STMN2: variants seen among roughly 807,000 people sequenced by gnomAD.
STMN2 encodes the protein stathmin 2, also known as stathmin-2.
Under a neutral mutation model 24.1 loss-of-function variants are expected in STMN2, and 2 were observed. The observed-to-expected ratio is 0.08, with a 90% confidence interval of 0.03 to 0.26. The LOEUF (loss-of-function observed/expected upper bound fraction) is 0.26. Among genes scored for constraint, STMN2 ranks in the 10% least tolerant of loss-of-function variants. STMN2 has a pLI of 1.00. For missense variants in STMN2, 114 were observed against 213.6 expected (o/e 0.53, Z 2.91); for synonymous variants, 83 against 77.5 (o/e 1.07, Z -0.37).
chr8:79,617,176 A>G (rs1365743292), intron 1 of STMN2, among the ~76,000 whole-genome samples: 1 of 152,188 alleles, frequency 6.6e-6, no homozygotes, highest in Non-Finnish European at 1.5e-5. Context: ...TCTTCTGCTT[A>G]TCTAAGCCAA....
rs186787174 is a variant in STMN2 at position 79,665,833 on chromosome 8, C to A, written c.*959C>A. On this transcript the variant is annotated 3_prime_UTR_variant, in exon 5 of 5. Transcript: ENST00000220876. ...TGGTTGTTGCATTAAAACACACATA[C>A]AAACAAAATCAAAAACACTGCGGAC... 1 of 152,498 alleles carries A rather than the reference C, an allele frequency of 6.6e-6. No individual in the cohort carries two copies. The highest frequency in any genetic ancestry group is 1.9e-4 in the East Asian group (1 of 5,188). 9.4% of individuals were successfully genotyped at this position (152,498 alleles called of 1,614,324 possible).
intron 4 of STMN2, among the ~76,000 whole-genome samples, chr8:79,662,972 C>G (rs576012844): frequency 2.0e-5 from 3 of 152,228 alleles, no homozygotes; most frequent in Non-Finnish European, 4.4e-5. Flanking sequence ...GAATCAGCTG[C>G]ATCCATGCTA....
At chr8:79,660,538 T>C (rs771136371) in intron 4 of STMN2, among the ~76,000 whole-genome samples, 2 of 152,212 alleles carry the variant, frequency 1.3e-5, no homozygotes, top group Non-Finnish European at 2.9e-5. Context: ...ATTATAGCCA[T>C]ATTTTAGTGG....
At chr8:79,621,376 A>T (rs1809512014) in intron 1 of STMN2, among the ~76,000 whole-genome samples, 1 of 152,254 alleles carries the variant, frequency 6.6e-6, no homozygotes, top group African/African-American at 2.4e-5. Context: ...TAGAATGAGT[A>T]AAGAGGGAAC....
intron 1 of STMN2, among the ~76,000 whole-genome samples, chr8:79,621,544 T>G (rs1252831342): frequency 2.6e-5 from 4 of 152,222 alleles, no homozygotes; most frequent in African/African-American, 9.6e-5. Context: ...TTCTTCCTCC[T>G]AAAGAAGAGC....
chr8:79,633,777 G>C (rs1005575161), intron 1 of STMN2, among the ~76,000 whole-genome samples: 1 of 152,068 alleles, frequency 6.6e-6, no homozygotes, highest in South Asian at 2.1e-4. Context: ...CAAATTTTGC[G>C]GGGACACAAA....
intron 1 of STMN2, among the ~76,000 whole-genome samples, chr8:79,619,247 C>G (rs1200082909): frequency 6.6e-6 from 1 of 152,026 alleles, no homozygotes; most frequent in African/African-American, 2.4e-5. Flanking sequence ...AGTTGTATGT[C>G]TTTATATCAG....
At chr8:79,659,031 TTG>T (rs780962635) in intron 4 of STMN2, among the ~76,000 whole-genome samples, 13 of 152,258 alleles carry the variant, frequency 8.5e-5, no homozygotes, top group Non-Finnish European at 1.6e-4. Flanking sequence ...TAAATATGCT[TTG>T]TGATGTCATC....
intron 3 of STMN2, among the ~76,000 whole-genome samples, chr8:79,644,743 T>C (rs1024041663): frequency 6.6e-6 from 1 of 152,234 alleles, no homozygotes; most frequent in Non-Finnish European, 1.5e-5. Flanking sequence ...AATTATTTAG[T>C]TCATACACTA....
At chr8:79,627,895 T>A (rs1809696523) in intron 1 of STMN2, among the ~76,000 whole-genome samples, 1 of 152,250 alleles carries the variant, frequency 6.6e-6, no homozygotes, top group Admixed American at 6.5e-5. Flanking sequence ...CTTGACATAA[T>A]GTCCTTCAGG....
At chr8:79,633,794 G>T (rs1010530561) in intron 1 of STMN2, among the ~76,000 whole-genome samples, 2 of 152,126 alleles carry the variant, frequency 1.3e-5, no homozygotes, top group Admixed American at 6.5e-5. Context: ...CAAATATTCA[G>T]TCCATAATAG....
chr8:79,643,149 G>GTATATA (rs201477262), intron 3 of STMN2, among the ~76,000 whole-genome samples: 17,093 of 139,846 alleles, frequency 0.12, 1,350 homozygotes, highest in African/African-American at 0.22. Flanking sequence ...ATGTGTGTGT[G>GTATATA]TATATATATA....
At chr8:79,636,918 A>T (rs1406917753) in intron 2 of STMN2, 21 bp downstream of exon 2, 1 of 1,602,520 alleles carries the variant, frequency 6.2e-7, no homozygotes, top group Non-Finnish European at 8.5e-7. Context: ...TAGGATAGAC[A>T]TACCCCTGCT....
intron 1 of STMN2, among the ~76,000 whole-genome samples, chr8:79,614,134 A>T (rs1585869092): frequency 6.6e-6 from 1 of 152,098 alleles, no homozygotes; most frequent in Non-Finnish European, 1.5e-5. Context: ...TAAAAATCCC[A>T]CCCCAAATAT....
chr8:79,650,216 C>T (rs1810305548), intron 3 of STMN2, among the ~76,000 whole-genome samples: 1 of 152,186 alleles, frequency 6.6e-6, no homozygotes, highest in African/African-American at 2.4e-5. Context: ...AAGTGTTCCT[C>T]CAAGGCCAGA....
At chr8:79,638,423 T>C (rs1810017366) in intron 2 of STMN2, among the ~76,000 whole-genome samples, 1 of 152,236 alleles carries the variant, frequency 6.6e-6, no homozygotes, top group Non-Finnish European at 1.5e-5. Flanking sequence ...ATAATTTTTA[T>C]TGAGCTGTAT....
At chr8:79,619,084 A>G (rs186094038) in intron 1 of STMN2, among the ~76,000 whole-genome samples, 4 of 151,784 alleles carry the variant, frequency 2.6e-5, no homozygotes, top group African/African-American at 9.7e-5. Flanking sequence ...TTTTTTTTAC[A>G]AAGATTGTAA....
rs956734328 is a variant in STMN2, at chr8:79,665,751, A to C, written c.*877A>C. On this transcript the variant is annotated 3_prime_UTR_variant, in exon 5 of 5. Transcript: ENST00000220876. ...TTGATGATGTTCATTTTAAGCTCTTACCTATAGTACAAGTACATGATGCTA... is the reference window on the plus strand; with the variant it reads ...TTGATGATGTTCATTTTAAGCTCTTCCCTATAGTACAAGTACATGATGCTA... 1.3e-5 allele frequency: 2 copies of C among 154,026 alleles called. No homozygotes were observed. Among genetic ancestry groups the C allele is most frequent in the Non-Finnish European group, 2.9e-5 (2 of 68,214 alleles). The allele number at this position is 154,026 out of a possible 1,614,324, so 9.5% of individuals were successfully genotyped here.
chr8:79,653,806 TTATCCAGAA>T lies in STMN2; in HGVS notation c.289-1064_289-1056del, dbSNP rs1429812636. Among the ~76,000 whole-genome samples, 58 of 152,346 alleles carry T rather than the reference TTATCCAGAA, an allele frequency of 3.8e-4. 1 individual carries two copies. The highest frequency in any genetic ancestry group is 2.7e-3 in the South Asian group (13 of 4,826). On this transcript the variant is annotated intron_variant, in intron 3 of 4. Transcript: ENST00000220876. ...CGGGGCATCAGCTGATCCTGAGAAA[TTATCCAGAA>T]GCCATGAGTGTGTAATAATTTAGTC... is the stretch of plus-strand genomic sequence containing the variant.
Sources: gnomAD v4.1 joint callset for allele counts (sites outside exome capture counted in the v4.1 genomes callset) on GRCh38, gnomAD v4.1.1 for gene constraint, MANE v1.5 for transcripts, NCBI Gene and HGNC (gene_info 2026-07-23, HGNC 2026-07-21) for gene names.